The following ACTR3C variants were observed in gnomAD, a reference collection of about 807,000 sequenced individuals.
ACTR3C encodes actin related protein 3C.
Under a neutral mutation model 26.3 loss-of-function variants are expected in ACTR3C, and 18 were observed. The observed-to-expected ratio is 0.68, with a 90% CI of 0.47 to 1.01. The LOEUF (loss-of-function observed/expected upper bound fraction) is 1.01. Among genes scored for constraint, ACTR3C ranks in the 50% least tolerant of loss-of-function variants. ACTR3C has a pLI of 0.00. For synonymous variants in ACTR3C, 55 were observed against 94.5 expected (o/e 0.58, Z 2.42); for missense variants, 184 against 250.7 (o/e 0.73, Z 1.80).
At chr7:149,979,132 TC>T in the ACTR3C span, among the ~76,000 whole-genome samples, 1 of 152,218 alleles carries the variant, frequency 6.6e-6, no homozygotes, top group Non-Finnish European at 1.5e-5. Context: ...TAGCAAATGA[TC>T]AGTTAATTTA....
chr7:149,898,193 G>A, the ACTR3C span, among the ~76,000 whole-genome samples: 2 of 152,138 alleles, frequency 1.3e-5, no homozygotes, highest in Admixed American at 6.5e-5. Flanking sequence ...TGTGGGCCAC[G>A]ACGACTGAGG....
At chr7:150,073,227 T>C in the ACTR3C span, among the ~76,000 whole-genome samples, 1 of 152,194 alleles carries the variant, frequency 6.6e-6, no homozygotes, top group African/African-American at 2.4e-5. Context: ...AGCCATCTTC[T>C]GTGGGTCAGG....
chr7:150,167,109 T>G, the ACTR3C span, among the ~76,000 whole-genome samples: 9 of 149,414 alleles, frequency 6.0e-5, no homozygotes, highest in Non-Finnish European at 1.3e-4. Context: ...AGAAGAGTGC[T>G]GCAATAAAAT....
At chr7:150,103,314 T>C in the ACTR3C span, among the ~76,000 whole-genome samples, 1 of 151,986 alleles carries the variant, frequency 6.6e-6, no homozygotes, top group Admixed American at 6.6e-5. Context: ...TAATGGGAAG[T>C]GAATATTTAA....
At chr7:150,225,680 G>C in the ACTR3C span, among the ~76,000 whole-genome samples, 115 of 152,306 alleles carry the variant, frequency 7.6e-4, 1 homozygote, top group Admixed American at 2.8e-3. Context: ...GTGAGGTTGT[G>C]TAATGCATTT....
chr7:149,884,212 C>T, the ACTR3C span, among the ~76,000 whole-genome samples: 7 of 152,208 alleles, frequency 4.6e-5, no homozygotes, highest in East Asian at 1.9e-4. Flanking sequence ...TTTGGGCTTC[C>T]GGGAATGAAA....
At chr7:150,040,976 T>C in the ACTR3C span, among the ~76,000 whole-genome samples, 7 of 150,528 alleles carry the variant, frequency 4.7e-5, no homozygotes, top group African/African-American at 1.2e-4. Flanking sequence ...AGGGAGGCCG[T>C]CCTTTAGCAA....
the ACTR3C span, among the ~76,000 whole-genome samples, chr7:150,214,743 G>A: frequency 6.6e-6 from 1 of 151,608 alleles, no homozygotes; most frequent in Non-Finnish European, 1.5e-5. Context: ...ATCATGCCTA[G>A]GCACATAGTA....
At chr7:150,178,529 C>T in the ACTR3C span, among the ~76,000 whole-genome samples, 1 of 150,372 alleles carries the variant, frequency 6.7e-6, no homozygotes, top group African/African-American at 2.5e-5. Context: ...GGTGATCCAT[C>T]CACCTTGGCC....
At chr7:150,271,334 C>T (rs1834435633) in intron 6 of ACTR3C, among the ~76,000 whole-genome samples, 1 of 149,848 alleles carries the variant, frequency 6.7e-6, no homozygotes, top group African/African-American at 2.5e-5. Context: ...GCTCTCCCTC[C>T]CCTAACAGGC....
chr7:150,177,326 C>T, the ACTR3C span, among the ~76,000 whole-genome samples: 1 of 150,596 alleles, frequency 6.6e-6, no homozygotes, highest in Admixed American at 6.6e-5. Context: ...TCTCTAGATG[C>T]TCCTGTATTT....
At chr7:150,098,045 T>A in the ACTR3C span, among the ~76,000 whole-genome samples, 3 of 151,482 alleles carry the variant, frequency 2.0e-5, 1 homozygote, top group African/African-American at 7.3e-5. Context: ...GTTTTCACTT[T>A]GTGATCCAAC....
chr7:149,945,545 G>A, the ACTR3C span, among the ~76,000 whole-genome samples: 1 of 152,172 alleles, frequency 6.6e-6, no homozygotes, highest in Non-Finnish European at 1.5e-5. Context: ...TGGGGACAGG[G>A]TGAAGGGCAG....
chr7:150,222,127 T>C, the ACTR3C span, among the ~76,000 whole-genome samples: 2 of 152,224 alleles, frequency 1.3e-5, no homozygotes, highest in South Asian at 4.1e-4. Context: ...AACTCCAAGT[T>C]GGAATAATCC....
intron 6 of ACTR3C, among the ~76,000 whole-genome samples, chr7:150,279,576 G>T (rs1835148414): frequency 2.0e-5 from 3 of 151,628 alleles, no homozygotes; most frequent in Admixed American, 2.0e-4. Context: ...TCCTAGGTTT[G>T]TTTCCCACTA....
At chr7:149,942,768 C>CATAGTT in the ACTR3C span, among the ~76,000 whole-genome samples, 3,721 of 149,452 alleles carry the variant, frequency 0.025, 168 homozygotes, top group African/African-American at 0.089. Flanking sequence ...TCTTCTTGGT[C>CATAGTT]ATAGTTACCA....
chr7:149,912,446 T>C, the ACTR3C span, among the ~76,000 whole-genome samples: 2 of 151,212 alleles, frequency 1.3e-5, no homozygotes, highest in Non-Finnish European at 3.0e-5. Flanking sequence ...TAAGTATCAA[T>C]GACATTAAGC....
chr7:149,938,954 TA>T, the ACTR3C span, among the ~76,000 whole-genome samples: 2 of 146,490 alleles, frequency 1.4e-5, no homozygotes, highest in Admixed American at 1.4e-4. Context: ...TGTATATATA[TA>T]AAAATATATT....
chr7:150,306,920 A>T (rs1234682313), intron 1 of ACTR3C, among the ~76,000 whole-genome samples: 1 of 152,272 alleles, frequency 6.6e-6, no homozygotes, highest in Non-Finnish European at 1.5e-5. Context: ...AATTAAAATG[A>T]TGAACTGGAA....
Sources: gnomAD v4.1 joint callset for allele counts (sites outside exome capture counted in the v4.1 genomes callset) on GRCh38, gnomAD v4.1.1 for gene constraint, MANE v1.5 for transcripts, NCBI Gene and HGNC (gene_info 2026-07-23, HGNC 2026-07-21) for gene names.